AGBL4: variants seen among roughly 807,000 people sequenced by gnomAD.
AGBL4 encodes AGBL carboxypeptidase 4, also known as cytosolic carboxypeptidase 6.
Under a neutral mutation model 66.4 loss-of-function variants are expected in AGBL4, and 58 were observed. That is an observed-to-expected ratio of 0.87 (90% CI 0.71 to 1.09). The LOEUF is 1.09. Ranked by LOEUF, AGBL4 falls within the 50% of genes least tolerant of loss-of-function variation. AGBL4 has a pLI of 0.00. For synonymous variants in AGBL4, 234 were observed against 222.9 expected (o/e 1.05, Z -0.44); for missense variants, 579 against 631.0 (o/e 0.92, Z 0.88).
chr1:49,280,071 T>A (rs1644244670), intron 3 of AGBL4, among the ~76,000 whole-genome samples: 2 of 152,118 alleles, frequency 1.3e-5, no homozygotes, highest in African/African-American at 4.8e-5. Flanking sequence ...CTTTTCAGGA[T>A]TTTTTTGCAT....
chr1:49,704,611 T>G (rs1042112555), intron 2 of AGBL4, among the ~76,000 whole-genome samples: 3 of 152,006 alleles, frequency 2.0e-5, no homozygotes, highest in Non-Finnish European at 4.4e-5. Context: ...TTGTATAAGG[T>G]GTAAAAAAGG....
At chr1:49,989,848 T>A (rs1659793769) in intron 1 of AGBL4, among the ~76,000 whole-genome samples, 1 of 152,176 alleles carries the variant, frequency 6.6e-6, no homozygotes, top group Non-Finnish European at 1.5e-5. Flanking sequence ...ATACCACAGA[T>A]CTTACAGTAG....
intron 5 of AGBL4, among the ~76,000 whole-genome samples, chr1:49,008,057 G>A (rs926677527): frequency 6.6e-5 from 10 of 152,098 alleles, no homozygotes; most frequent in Middle Eastern, 3.2e-3. Flanking sequence ...TGGACTAAAT[G>A]CTCCAATAAA....
intron 1 of AGBL4, among the ~76,000 whole-genome samples, chr1:49,950,057 TATACACAC>T (rs1655971918): frequency 7.0e-6 from 1 of 142,662 alleles, no homozygotes; most frequent in South Asian, 2.2e-4. Context: ...TATGTGTATA[TATACACAC>T]ATATATATAC....
intron 5 of AGBL4, among the ~76,000 whole-genome samples, chr1:48,951,441 C>A (rs1270646924): frequency 1.3e-5 from 2 of 152,106 alleles, no homozygotes; most frequent in African/African-American, 2.4e-5. Context: ...ATGTTTGTCA[C>A]CCCCATCCCT....
intron 2 of AGBL4, among the ~76,000 whole-genome samples, chr1:49,707,959 A>T (rs1259327830): frequency 1.3e-5 from 2 of 152,128 alleles, no homozygotes; most frequent in East Asian, 3.9e-4. Flanking sequence ...AGGTAACCTA[A>T]TCTTTCTTTC....
chr1:49,610,570 A>C (rs1645136722), intron 3 of AGBL4, among the ~76,000 whole-genome samples: 1 of 152,194 alleles, frequency 6.6e-6, no homozygotes, highest in South Asian at 2.1e-4. Context: ...AGACACTGGA[A>C]GGTGATTAGA....
At chr1:49,654,870 T>G (rs955140743) in intron 3 of AGBL4, among the ~76,000 whole-genome samples, 3 of 152,160 alleles carry the variant, frequency 2.0e-5, no homozygotes, top group Admixed American at 6.5e-5. Flanking sequence ...TCTTGACTCT[T>G]TATCCAATTT....
intron 3 of AGBL4, among the ~76,000 whole-genome samples, chr1:49,503,754 C>G (rs753336237): frequency 6.6e-6 from 1 of 152,120 alleles, no homozygotes; most frequent in Non-Finnish European, 1.5e-5. Flanking sequence ...GCCAATTTCT[C>G]TCATTTGGAG....
At chr1:49,703,026 G>A (rs992462489) in intron 2 of AGBL4, among the ~76,000 whole-genome samples, 1 of 152,074 alleles carries the variant, frequency 6.6e-6, no homozygotes, top group Non-Finnish European at 1.5e-5. Context: ...TAAGATCAGG[G>A]AGAAGATAAG....
chr1:49,073,940 A>G (rs1012633054), intron 4 of AGBL4, among the ~76,000 whole-genome samples: 1 of 152,130 alleles, frequency 6.6e-6, no homozygotes, highest in Non-Finnish European at 1.5e-5. Context: ...TTGTTCAGAG[A>G]TGCCCAGCCC....
chr1:49,868,994 A>G (rs1004354703), intron 1 of AGBL4, among the ~76,000 whole-genome samples: 9 of 152,192 alleles, frequency 5.9e-5, no homozygotes, highest in Non-Finnish European at 1.2e-4. Flanking sequence ...AAATATGTGG[A>G]AAAAAAGCTC....
intron 1 of AGBL4, among the ~76,000 whole-genome samples, chr1:49,945,886 C>T (rs955963792): frequency 5.3e-5 from 8 of 151,916 alleles, no homozygotes; most frequent in African/African-American, 1.2e-4. Context: ...AGCAAATGGA[C>T]AACGAAAGTG....
chr1:49,627,047 C>T (rs1645477881), intron 3 of AGBL4, among the ~76,000 whole-genome samples: 1 of 152,094 alleles, frequency 6.6e-6, no homozygotes, highest in Non-Finnish European at 1.5e-5. Flanking sequence ...TCATGGACCA[C>T]AGTCAGAAAT....
At chr1:49,183,231 T>C (rs1429712833) in intron 4 of AGBL4, among the ~76,000 whole-genome samples, 2 of 151,724 alleles carry the variant, frequency 1.3e-5, no homozygotes, top group East Asian at 1.9e-4. Context: ...GGAGAGACTG[T>C]AGTTTGCTTA....
chr1:49,350,802 A>AT (rs770679046), intron 3 of AGBL4, among the ~76,000 whole-genome samples: 24 of 151,066 alleles, frequency 1.6e-4, no homozygotes, highest in Non-Finnish European at 3.1e-4. Flanking sequence ...TATCATTCTT[A>AT]TACCTTTGTG....
chr1:49,964,241 G>A (rs968047313), intron 1 of AGBL4, among the ~76,000 whole-genome samples: 1 of 152,026 alleles, frequency 6.6e-6, no homozygotes, highest in African/African-American at 2.4e-5. Context: ...TTTGAATTAA[G>A]ACAGACCTGG....
chr1:49,713,874 C>A (rs939257145), intron 2 of AGBL4, among the ~76,000 whole-genome samples: 3 of 151,924 alleles, frequency 2.0e-5, no homozygotes, highest in Non-Finnish European at 2.9e-5. Context: ...AAGGGATCTC[C>A]TACCTCAGCC....
At chr1:49,151,911 T>C (rs1350234868) in intron 4 of AGBL4, among the ~76,000 whole-genome samples, 4 of 151,722 alleles carry the variant, frequency 2.6e-5, no homozygotes, top group Admixed American at 6.6e-5. Flanking sequence ...GTTTCAGAGA[T>C]AAAGGCTTCC....
Sources: allele counts gnomAD v4.1 joint callset (sites outside exome capture counted in the v4.1 genomes callset), GRCh38; gene constraint gnomAD v4.1.1; transcripts MANE v1.5; gene names NCBI Gene and HGNC (gene_info 2026-07-23, HGNC 2026-07-21).